The following ARHGAP24 variants were observed in gnomAD, a reference collection of about 807,000 sequenced individuals.
ARHGAP24 encodes the protein rho GTPase-activating protein 24.
Under a neutral mutation model 76.4 loss-of-function variants are expected in ARHGAP24, and 50 were observed. The ratio of observed to expected loss-of-function variants is 0.65; its 90% CI spans 0.52 to 0.83. The LOEUF (loss-of-function observed/expected upper bound fraction) is 0.83, where lower values mean the gene tolerates loss of function less well. Among genes scored for constraint, ARHGAP24 ranks in the 40% least tolerant of loss-of-function variants. ARHGAP24 has a pLI of 0.00. For missense variants in ARHGAP24, 930 were observed against 914.2 expected (o/e 1.02, Z -0.22); for synonymous variants, 345 against 323.3 (o/e 1.07, Z -0.72).
chr4:85,928,604 C>T (rs569442930), intron 4 of ARHGAP24, among the ~76,000 whole-genome samples: 1 of 152,064 alleles, frequency 6.6e-6, no homozygotes, highest in Non-Finnish European at 1.5e-5. Flanking sequence ...ATTACAGTCG[C>T]CTGCCACCAC....
intron 1 of ARHGAP24, among the ~76,000 whole-genome samples, chr4:85,501,636 G>A (rs1355751920): frequency 6.6e-6 from 1 of 152,018 alleles, no homozygotes; most frequent in Non-Finnish European, 1.5e-5. Context: ...TTGTCAGATG[G>A]GTAGATTGCA....
intron 2 of ARHGAP24, among the ~76,000 whole-genome samples, chr4:85,615,173 CTT>C (rs1326588609): frequency 6.6e-6 from 1 of 151,878 alleles, no homozygotes; most frequent in Non-Finnish European, 1.5e-5. Flanking sequence ...ACATTTATCT[CTT>C]GATTTGGGTT....
At chr4:85,893,765 C>T (rs1354812977) in intron 3 of ARHGAP24, among the ~76,000 whole-genome samples, 1 of 150,758 alleles carries the variant, frequency 6.6e-6, no homozygotes, top group Non-Finnish European at 1.5e-5. Flanking sequence ...TGAGGGTAAC[C>T]GGACCTTTCT....
chr4:85,715,637 T>C (rs868694526), intron 2 of ARHGAP24, among the ~76,000 whole-genome samples: 3 of 152,058 alleles, frequency 2.0e-5, no homozygotes, highest in Non-Finnish European at 4.4e-5. Context: ...CAAAATTTAC[T>C]GTTATCAGGA....
At chr4:85,746,602 C>G (rs571146901) in intron 3 of ARHGAP24, among the ~76,000 whole-genome samples, 4 of 152,018 alleles carry the variant, frequency 2.6e-5, no homozygotes. Flanking sequence ...TTTAACCACA[C>G]GCCTGAACAG....
intron 3 of ARHGAP24, among the ~76,000 whole-genome samples, chr4:85,805,459 G>T (rs1490988742): frequency 6.6e-6 from 1 of 152,092 alleles, no homozygotes; most frequent in African/African-American, 2.4e-5. Flanking sequence ...AAACAGTAAG[G>T]ACTTTAATTA....
chr4:85,560,372 T>G (rs1413292817), intron 1 of ARHGAP24, among the ~76,000 whole-genome samples: 1 of 152,166 alleles, frequency 6.6e-6, no homozygotes, highest in Non-Finnish European at 1.5e-5. Context: ...AAAAGCTAAA[T>G]TCTTAGGAGA....
intron 3 of ARHGAP24, among the ~76,000 whole-genome samples, chr4:85,785,839 C>A (rs1727813147): frequency 6.6e-6 from 1 of 152,094 alleles, no homozygotes; most frequent in South Asian, 2.1e-4. Context: ...AACTGCTACC[C>A]TAGAGTCATA....
In ARHGAP24 at chr4:85,994,986, A is replaced by T; in HGVS notation, c.1332A>T (p.Glu444Asp). Residue 444 changes from glutamate (E) to aspartate (D), a missense_variant, in exon 9 of 10, where the codon GAA (glutamate) becomes GAT (aspartate). Transcript: ENST00000395184. The part of the protein sequence containing the change: ...TNGSFSSSNA[E>D]GLEKTQTTPN... ...GGTCCTTCAGCAGCAGTAATGCAGA[A>T]GGTCTTGAGAAAACCCAAACCACCC... is the stretch of plus-strand genomic sequence containing the variant. The T allele has an allele frequency of 5.6e-6, 9 of 1,614,100 alleles. No homozygotes were observed. Among genetic ancestry groups the T allele is most frequent in the Non-Finnish European group, 7.6e-6 (9 of 1,180,024 alleles).
chr4:85,994,466 T>C, intron 8 of ARHGAP24, 117 bp from the exon 9 acceptor site: 2 of 1,014,650 alleles, frequency 2.0e-6, no homozygotes, highest in South Asian at 2.6e-5. Flanking sequence ...GAATATGGTT[T>C]GGTACTGATA....
chr4:85,513,089 G>A (rs996494356), intron 1 of ARHGAP24, among the ~76,000 whole-genome samples: 1 of 152,280 alleles, frequency 6.6e-6, no homozygotes, highest in East Asian at 1.9e-4. Flanking sequence ...CATTTCTTTG[G>A]CTAAACACAC....
intron 3 of ARHGAP24, among the ~76,000 whole-genome samples, chr4:85,861,897 T>A (rs1286378237): frequency 6.6e-6 from 1 of 152,086 alleles, no homozygotes; most frequent in East Asian, 1.9e-4. Flanking sequence ...CCACTCCACA[T>A]CTTTACTCAG....
chr4:85,702,988 G>A (rs557145804), intron 2 of ARHGAP24, among the ~76,000 whole-genome samples: 13 of 151,974 alleles, frequency 8.6e-5, no homozygotes, highest in African/African-American at 2.4e-4. Context: ...GACCCCCACC[G>A]AGAAGCATGT....
chr4:85,580,144 G>C (rs1008213858), intron 2 of ARHGAP24, among the ~76,000 whole-genome samples: 1 of 143,836 alleles, frequency 7.0e-6, no homozygotes. Context: ...GGTGGGGGGG[G>C]AGGGTGATGG....
At chr4:85,584,750 C>A (rs548681853) in intron 2 of ARHGAP24, among the ~76,000 whole-genome samples, 4 of 152,030 alleles carry the variant, frequency 2.6e-5, no homozygotes, top group Non-Finnish European at 5.9e-5. Context: ...GTTTTTACTA[C>A]ATTTTTTTAT....
At chr4:85,683,349 A>G (rs1723299099) in intron 2 of ARHGAP24, among the ~76,000 whole-genome samples, 1 of 152,146 alleles carries the variant, frequency 6.6e-6, no homozygotes, top group Admixed American at 6.6e-5. Flanking sequence ...ATCCTAGCCC[A>G]TGAAGGGGAG....
At chr4:85,710,892 C>A (rs979354810) in intron 2 of ARHGAP24, among the ~76,000 whole-genome samples, 1 of 151,936 alleles carries the variant, frequency 6.6e-6, no homozygotes, top group Non-Finnish European at 1.5e-5. Flanking sequence ...CCAGCAATCC[C>A]ATTACTGTGT....
intron 4 of ARHGAP24, among the ~76,000 whole-genome samples, chr4:85,937,033 G>T (rs548839221): frequency 2.0e-5 from 3 of 152,282 alleles, no homozygotes; most frequent in Non-Finnish European, 4.4e-5. Context: ...AAGGAATGTG[G>T]TTGCAAAGAC....
chr4:85,740,331 T>A (rs1490850985), intron 3 of ARHGAP24, among the ~76,000 whole-genome samples: 1 of 151,612 alleles, frequency 6.6e-6, no homozygotes, highest in East Asian at 2.0e-4. Context: ...CAGGCGATTC[T>A]CCTGCCTTAG....
Sources: gnomAD v4.1 joint callset for allele counts (sites outside exome capture counted in the v4.1 genomes callset) on GRCh38, gnomAD v4.1.1 for gene constraint, MANE v1.5 for transcripts, NCBI Gene and HGNC (gene_info 2026-07-23, HGNC 2026-07-21) for gene names.